Variants in FAM135B observed in about 807,000 individuals in gnomAD.
The protein encoded by FAM135B is family with sequence similarity 135 member B.
Under a neutral mutation model 127.7 loss-of-function variants are expected in FAM135B, and 43 were observed. That is an observed-to-expected ratio of 0.34 (90% CI 0.26 to 0.43). The LOEUF (loss-of-function observed/expected upper bound fraction) is 0.43, where lower values mean the gene tolerates loss of function less well. FAM135B is among the 20% of genes least tolerant of loss of function. The probability of loss-of-function intolerance (pLI) is 1.00; values close to 1 mark genes in which losing one functional copy is unlikely to be tolerated. For synonymous variants in FAM135B, 670 were observed against 665.1 expected, an observed-to-expected ratio of 1.01 and a Z score of -0.11; for missense variants, 1,558 against 1,725.6, an observed-to-expected ratio of 0.90 and a Z score of 1.72.
At chr8:138,179,134 C>T (rs1027454549) in intron 9 of FAM135B, among the ~76,000 whole-genome samples, 1 of 152,104 alleles carries the variant, frequency 6.6e-6, no homozygotes, top group African/African-American at 2.4e-5. Flanking sequence ...GCCTTCTAAT[C>T]CCATCACCAC....
Position 138,409,016 on chromosome 8 carries a change from G to A in FAM135B, c.-19-41014C>T, listed in dbSNP as rs146319005. On this transcript the variant is annotated intron_variant, in intron 1 of 19. Transcript: ENST00000395297. ...AAAAGTGATTTTAAATGTTCTTCAA[G>A]ACCTTTTCCCTTATATTTACAACTT... is the stretch of plus-strand genomic sequence containing the variant. Among the ~76,000 whole-genome samples the A allele has an allele frequency of 3.1e-3, 475 of 152,278 alleles. 3 individuals carry two copies. Among genetic ancestry groups the A allele is most frequent in the African/African-American group, 0.011 (448 of 41,558 alleles).
intron 3 of FAM135B, among the ~76,000 whole-genome samples, chr8:138,308,221 G>A (rs1431545414): frequency 2.6e-5 from 4 of 152,148 alleles, no homozygotes; most frequent in African/African-American, 4.8e-5. Flanking sequence ...CCCAGCTGTC[G>A]CTCATCTGGT....
At chr8:138,143,699 T>C (rs897363708) in intron 15 of FAM135B, among the ~76,000 whole-genome samples, 1 of 152,226 alleles carries the variant, frequency 6.6e-6, no homozygotes, top group Non-Finnish European at 1.5e-5. Context: ...TTGGTTTCTA[T>C]AACCTCAAGG....
In FAM135B at chr8:138,243,619, T is replaced by C. The variant is rs1475347806; in HGVS notation, c.543-551A>G. 1.3e-5 allele frequency among the ~76,000 whole-genome samples: 2 copies of C among 152,228 alleles called. No homozygotes were observed. Among genetic ancestry groups the C allele is most frequent in the Non-Finnish European group, 2.9e-5 (2 of 68,042 alleles). On this transcript the variant is annotated intron_variant, in intron 6 of 19. Coordinates refer to ENST00000395297, the MANE Select transcript of FAM135B (RefSeq NM_015912.4). This position sits in a 1 kb window ranked among gnomAD's most constrained non-coding sequence, Gnocchi z 7.5. Reference sequence around the variant, plus strand: ...TTGGGAAGACCATAACCTGCTCAGCTCACAAATGTGCAGTTCCTGCCCAGC... The same window carrying C: ...TTGGGAAGACCATAACCTGCTCAGCCCACAAATGTGCAGTTCCTGCCCAGC...
At chr8:138,263,850 A>G (rs984510843) in intron 4 of FAM135B, among the ~76,000 whole-genome samples, 3 of 152,232 alleles carry the variant, frequency 2.0e-5, no homozygotes, top group Non-Finnish European at 4.4e-5. Context: ...GTGTAGTCCT[A>G]TGGCTACTAG....
intron 9 of FAM135B, among the ~76,000 whole-genome samples, chr8:138,179,288 A>ACT (rs1229998312): frequency 6.6e-6 from 1 of 152,148 alleles, no homozygotes; most frequent in Non-Finnish European, 1.5e-5. Flanking sequence ...ACTGGACTCT[A>ACT]CTCTGTATCC....
At chr8:138,151,098 A>G in intron 13 of FAM135B, 96 bp downstream of exon 13, 2 of 772,312 alleles carry the variant, frequency 2.6e-6, no homozygotes, top group Non-Finnish European at 3.9e-6. Context: ...AAAATCACAG[A>G]TATCTAAATT....
At chr8:138,185,326 G>A (rs552845956) in intron 9 of FAM135B, among the ~76,000 whole-genome samples, 10 of 152,212 alleles carry the variant, frequency 6.6e-5, no homozygotes, top group South Asian at 4.1e-4. Context: ...ATAGTGTCCC[G>A]GAGTGCCTCT....
intron 3 of FAM135B, among the ~76,000 whole-genome samples, chr8:138,274,975 G>A (rs539184486): frequency 5.3e-5 from 8 of 151,972 alleles, no homozygotes; most frequent in South Asian, 4.2e-4. Flanking sequence ...GTCCTGAGGC[G>A]ATATACATCC....
chr8:138,161,946 C>T (rs1819442435), intron 12 of FAM135B, among the ~76,000 whole-genome samples: 1 of 134,686 alleles, frequency 7.4e-6, no homozygotes, highest in Admixed American at 7.3e-5. Flanking sequence ...AGCATCATGG[C>T]TAGTACATAG....
intron 1 of FAM135B, among the ~76,000 whole-genome samples, chr8:138,407,550 CA>C (rs1445637451): frequency 6.6e-6 from 1 of 152,106 alleles, no homozygotes; most frequent in Non-Finnish European, 1.5e-5. Flanking sequence ...GTACTGGTAC[CA>C]AAACAGTGAC....
chr8:138,338,034 G>T (rs1224390225), intron 2 of FAM135B, among the ~76,000 whole-genome samples: 1 of 152,182 alleles, frequency 6.6e-6, no homozygotes, highest in East Asian at 1.9e-4. Context: ...AATAAATGGT[G>T]CTGGGAAAAC....
chr8:138,273,125 A>G (rs1309517815), intron 3 of FAM135B, among the ~76,000 whole-genome samples: 1 of 152,228 alleles, frequency 6.6e-6, no homozygotes, highest in Non-Finnish European at 1.5e-5. Context: ...TGACATGGCT[A>G]TTACAAATTA....
rs577205292 is a variant in FAM135B, at chr8:138,241,787, C to T, written c.669+1155G>A. ...TTACTTGGGCCACAAGGTGCCCAGACGTTTGGTTGAACATTATTCTAGGTA... is the reference window on the plus strand; with the variant it reads ...TTACTTGGGCCACAAGGTGCCCAGATGTTTGGTTGAACATTATTCTAGGTA... On this transcript the variant is annotated intron_variant, in intron 7 of 19. Coordinates refer to ENST00000395297, the MANE Select transcript of FAM135B (RefSeq NM_015912.4). The surrounding 1 kb of genome is among the most constrained non-coding windows in gnomAD (Gnocchi z 4.8). Among the ~76,000 whole-genome samples the T allele has an allele frequency of 9.2e-5, 14 of 152,260 alleles. No individual in the cohort carries two copies. The East Asian group carries it at 9.7e-4, about 10-fold the overall frequency.
At chr8:138,356,708 G>T (rs937119666) in intron 2 of FAM135B, among the ~76,000 whole-genome samples, 1 of 152,120 alleles carries the variant, frequency 6.6e-6, no homozygotes, top group African/African-American at 2.4e-5. Flanking sequence ...GGTGTCTTCC[G>T]TTTTTCCAAA....
rs1015820826 is a variant in FAM135B at position 138,130,169 on chromosome 8, A to G, written c.*2424T>C. The G allele has an allele frequency of 6.6e-6, 1 of 150,882 alleles. No individual in the cohort carries two copies. Among genetic ancestry groups the G allele is most frequent in the African/African-American group, 2.4e-5 (1 of 41,224 alleles). 9.3% of individuals were successfully genotyped at this position (150,882 alleles called of 1,614,324 possible). ...TTGTTTATAATTTTTACAATCAATA[A>G]TAGAATGTCCCTGTTTTACATAATA... On this transcript the variant is annotated 3_prime_UTR_variant, in exon 20 of 20. Coordinates refer to ENST00000395297, the MANE Select transcript of FAM135B (RefSeq NM_015912.4).
At chr8:138,490,518 T>C (rs1764632154) in intron 1 of FAM135B, among the ~76,000 whole-genome samples, 1 of 152,138 alleles carries the variant, frequency 6.6e-6, no homozygotes, top group African/African-American at 2.4e-5. Context: ...ATAAGGGCCT[T>C]ATCTGCCATC....
rs1161617808 is a variant in FAM135B at position 138,426,050 on chromosome 8, C to CAT, written c.-19-58050_-19-58049dup. On this transcript the variant is annotated intron_variant, in intron 1 of 19. Coordinates refer to ENST00000395297, the MANE Select transcript of FAM135B (RefSeq NM_015912.4). ...ATATACACACACACACACACACACACATATATATATACACACACACACATA... is the reference window on the plus strand; with the variant it reads ...ATATACACACACACACACACACACACATATATATATATACACACACACACATA... 4.0e-3 allele frequency among the ~76,000 whole-genome samples: 146 copies of CAT among 36,300 alleles called. 14 individuals are homozygous for CAT. Among genetic ancestry groups the CAT allele is most frequent in the African/African-American group, 0.019 (114 of 5,884 alleles). 23.8% of individuals were successfully genotyped at this position (36,300 alleles called of 152,430 possible).
chr8:138,470,902 T>C (rs1218311071), intron 1 of FAM135B, among the ~76,000 whole-genome samples: 1 of 152,180 alleles, frequency 6.6e-6, no homozygotes, highest in Admixed American at 6.5e-5. Context: ...AAAACCAATA[T>C]AAAGGAAAGT....
Sources: gnomAD v4.1 joint callset for allele counts (sites outside exome capture counted in the v4.1 genomes callset) on GRCh38, gnomAD v4.1.1 for gene constraint, Gnocchi (gnomAD v3.1) non-coding constraint, MANE v1.5 for transcripts, NCBI Gene and HGNC (gene_info 2026-07-23, HGNC 2026-07-21) for gene names.